Variants in MTA1 observed in about 807,000 individuals in gnomAD.
The protein encoded by MTA1 is metastasis associated 1, also known as metastasis-associated protein MTA1.
MTA1 carries 15 observed loss-of-function variants against 97.0 expected under a neutral mutation model. The ratio of observed to expected loss-of-function variants is 0.15; its 90% CI spans 0.10 to 0.24. The LOEUF (loss-of-function observed/expected upper bound fraction) is 0.24, where lower values mean the gene tolerates loss of function less well. MTA1 is among the 10% of genes least tolerant of loss of function. The probability of loss-of-function intolerance (pLI) is 1.00; values close to 1 mark genes in which losing one functional copy is unlikely to be tolerated. For synonymous variants in MTA1, 435 were observed against 417.5 expected, an observed-to-expected ratio of 1.04 and a Z score of -0.51; for missense variants, 709 against 1,015.1, an observed-to-expected ratio of 0.70 and a Z score of 4.10.
At chr14:105,461,708 G>T (rs1459182226) in intron 10 of MTA1, among the ~76,000 whole-genome samples, 1 of 152,240 alleles carries the variant, frequency 6.6e-6, no homozygotes, top group Non-Finnish European at 1.5e-5. Flanking sequence ...ATGGGGTTGG[G>T]TAGGGTGCCT....
chr14:105,443,234 C>T (rs1468231895), intron 2 of MTA1, among the ~76,000 whole-genome samples: 4 of 152,320 alleles, frequency 2.6e-5, no homozygotes, highest in Non-Finnish European at 5.9e-5. Context: ...CCTGGGTTCA[C>T]ACCACCATAG....
intron 18 of MTA1, 197 bp from the exon 19 acceptor site, chr14:105,469,270 G>T: frequency 1.6e-6 from 1 of 644,834 alleles, no homozygotes. Context: ...TGGCCAGAGA[G>T]CTGTGGGGCC....
rs2082871386 is a variant in MTA1 at position 105,450,252 on chromosome 14, C to G, written c.369-9C>G. The G allele has an allele frequency of 1.2e-6, 2 of 1,609,524 alleles. No homozygotes were observed. The highest frequency in any genetic ancestry group is 1.7e-6 in the Non-Finnish European group (2 of 1,176,856). On this transcript the variant is annotated splice_polypyrimidine_tract_variant and intron_variant, in intron 5 of 20. Transcript: ENST00000331320. ...TCGCCTTTCCAGCCTGCCCGTCCTTCTCTTCCAGGGGCAAGTGCAGCGTCA... is the reference window on the plus strand; with the variant it reads ...TCGCCTTTCCAGCCTGCCCGTCCTTGTCTTCCAGGGGCAAGTGCAGCGTCA...
intron 6 of MTA1, among the ~76,000 whole-genome samples, chr14:105,452,296 C>T (rs1233853428): frequency 6.6e-6 from 1 of 152,234 alleles, no homozygotes; most frequent in Non-Finnish European, 1.5e-5. Flanking sequence ...AGCAAGAGTG[C>T]AGAAACAGCA....
Position 105,466,426 on chromosome 14 carries a change from A to AGGGGGGGGC in MTA1, c.1626_1627insGGGGGGGCG (p.Glu542_Thr543insGlyGlyAla). On this transcript the variant is annotated inframe_insertion and splice_region_variant, in exon 17 of 21. Coordinates refer to ENST00000331320, the MANE Select transcript of MTA1 (RefSeq NM_004689.4). ...GTTCTGCCTGTGTCATTCCCGGCAG[A>AGGGGGGGGC]GACCCACCCCCGCCCCCCCAAGCCT... is the stretch of plus-strand genomic sequence containing the variant. The AGGGGGGGGC allele has an allele frequency of 2.0e-6, 3 of 1,484,220 alleles. No individual in the cohort carries two copies. The highest frequency in any genetic ancestry group is 2.8e-6 in the Non-Finnish European group (3 of 1,071,318). 91.9% of individuals were successfully genotyped at this position (1,484,220 alleles called of 1,614,324 possible). A position where few individuals can be genotyped will look rare whatever the true frequency, so the allele number is the denominator to read the frequency against.
chr14:105,461,556 CTG>C (rs781964481), intron 10 of MTA1, among the ~76,000 whole-genome samples: 3 of 152,234 alleles, frequency 2.0e-5, no homozygotes, highest in South Asian at 4.1e-4. Context: ...GAGGTGGAGA[CTG>C]TGGCAGGGCA....
chr14:105,428,744 A>G (rs6576091), intron 1 of MTA1, among the ~76,000 whole-genome samples: 142,855 of 151,618 alleles, frequency 0.94, 67,919 homozygotes, highest in East Asian at 1. Context: ...TTTTGAGACA[A>G]CATCTTGCTC....
chr14:105,423,306 G>A (rs2081908991), intron 1 of MTA1, among the ~76,000 whole-genome samples: 1 of 139,668 alleles, frequency 7.2e-6, no homozygotes, highest in South Asian at 2.3e-4. Flanking sequence ...TGCAACCTCC[G>A]CCTCCCCGGC....
chr14:105,447,666 G>A (rs1409341562), intron 3 of MTA1, among the ~76,000 whole-genome samples: 1 of 152,232 alleles, frequency 6.6e-6, no homozygotes, highest in African/African-American at 2.4e-5. Context: ...GGAAAGCTGC[G>A]TGGCGGCCCC....
At position 105,470,198 on chromosome 14, in the gene MTA1, A is replaced by G. The variant is rs1567053728; in HGVS notation, c.2131A>G (p.Ile711Val). The G allele has an allele frequency of 1.9e-6, 3 of 1,601,474 alleles. No homozygotes were observed. Among genetic ancestry groups the G allele is most frequent in the Non-Finnish European group, 2.6e-6 (3 of 1,175,582 alleles). ...ACCTGCGCCCGTCAACGACGAGCCC[A>G]TCGTCATCGAGGACTAGGGGCCGCC... is the stretch of plus-strand genomic sequence containing the variant. Reference protein sequence around the residue: ...PPPAPVNDEPIVIED With the variant: ...PPPAPVNDEPVVIED The change falls in exon 21 of 21, where the codon ATC (isoleucine) becomes GTC (valine). Residue 711 changes from isoleucine to valine, a missense_variant. By Grantham distance (29) the Ile-to-Val change is conservative. This residue lies in a region of MTA1 where 388 missense variants were observed against 421.6 expected (regional missense o/e 0.92). Coordinates refer to ENST00000331320, the MANE Select transcript of MTA1 (RefSeq NM_004689.4).
At chr14:105,456,039 G>C (rs12891645) in intron 7 of MTA1, among the ~76,000 whole-genome samples, 132,576 of 151,866 alleles carry the variant, frequency 0.87, 60,654 homozygotes, top group Non-Finnish European at 1. Flanking sequence ...CACTGTGCTG[G>C]GGCCCGGCCT....
rs367634654 is a variant in MTA1 at position 105,425,120 on chromosome 14, T to G, written c.28+5057T>G. Among the ~76,000 whole-genome samples, 551 of 152,288 alleles carry G rather than the reference T, an allele frequency of 3.6e-3. 6 individuals are homozygous for G. Among genetic ancestry groups the G allele is most frequent in the African/African-American group, 0.013 (523 of 41,564 alleles). ...TTGGGGGAGCACTGGCTGCAGGGCC[T>G]CCTTCCTCCTCCTGCTGAACTTGGA... On this transcript the variant is annotated intron_variant, in intron 1 of 20. Transcript: ENST00000331320.
At chr14:105,469,741 TG>T in intron 19 of MTA1, 99 bp from the exon 20 acceptor site, 3 of 1,439,866 alleles carry the variant, frequency 2.1e-6, no homozygotes, top group Admixed American at 2.3e-5. Context: ...ACTGGGGTGG[TG>T]GGGGGTTGGC....
chr14:105,458,184 A>T, intron 7 of MTA1, 86 bp from the exon 8 acceptor site: 1 of 1,158,060 alleles, frequency 8.6e-7, no homozygotes, highest in Non-Finnish European at 1.3e-6. Flanking sequence ...TCCCCGTCCC[A>T]GCAGCTCCCC....
intron 16 of MTA1, chr14:105,465,442 C>T (rs997636612): frequency 6.0e-6 from 2 of 334,666 alleles, no homozygotes; most frequent in Admixed American, 4.5e-5. Flanking sequence ...GCGGGGCCAG[C>T]CTCCTCAAGG....
Position 105,422,508 on chromosome 14 carries a change from G to GC in MTA1, c.28+2452dup, listed in dbSNP as rs1363866790. ...AGCCTGGGAAGGGGCTTGCTCCTGT[G>GC]CCCCCCCACCCCAGGGACCTTGTGT... On this transcript the variant is annotated intron_variant, in intron 1 of 20. Transcript: ENST00000331320. The surrounding 1 kb of genome is among the most constrained non-coding windows in gnomAD (Gnocchi z 4.3). Among the ~76,000 whole-genome samples the GC allele has an allele frequency of 1.3e-5, 2 of 152,052 alleles. No homozygotes were observed. The highest frequency in any genetic ancestry group is 6.6e-5 in the Admixed American group (1 of 15,258).
intron 3 of MTA1, among the ~76,000 whole-genome samples, chr14:105,447,372 G>A (rs2082752659): frequency 6.6e-6 from 1 of 152,206 alleles, no homozygotes; most frequent in Admixed American, 6.5e-5. Context: ...GCACCTGGGG[G>A]CACAGTGTCC....
chr14:105,463,704 G>T lies in MTA1; in HGVS notation c.1076+153G>T. 1 of 718,988 alleles carries T rather than the reference G, an allele frequency of 1.4e-6. No homozygotes were observed. 44.5% of individuals were successfully genotyped at this position (718,988 alleles called of 1,614,324 possible). ...CGGGAGGGCGGCCCAGGGCTGGGGG[G>T]TTCTGGCTGCAGACGCAGTGGCCAT... On this transcript the variant is annotated intron_variant, in intron 12 of 20. Coordinates refer to ENST00000331320, the MANE Select transcript of MTA1 (RefSeq NM_004689.4). The surrounding 1 kb of genome is among the most constrained non-coding windows in gnomAD (Gnocchi z 5.9).
intron 18 of MTA1, 101 bp downstream of exon 18, chr14:105,466,843 T>C: frequency 8.0e-7 from 1 of 1,256,732 alleles, no homozygotes; most frequent in Non-Finnish European, 1.1e-6. Context: ...GGGCCCATGC[T>C]TGGGGCAGTC....
Sources: allele counts gnomAD v4.1 joint callset (sites outside exome capture counted in the v4.1 genomes callset), GRCh38; gene constraint gnomAD v4.1.1; regional missense constraint gnomAD v4.1.1; non-coding constraint Gnocchi (gnomAD v3.1); transcripts MANE v1.5; gene names NCBI Gene and HGNC (gene_info 2026-07-23, HGNC 2026-07-21).